Variants in CNTNAP2 observed in about 807,000 individuals in gnomAD.
CNTNAP2 encodes the protein contactin-associated protein-like 2.
A neutral mutation model predicts 155.2 loss-of-function variants in CNTNAP2; 98 were observed. The ratio of observed to expected loss-of-function variants is 0.63; its 90% CI spans 0.54 to 0.75. CNTNAP2 has a LOEUF of 0.75. CNTNAP2 is among the 30% of genes least tolerant of loss of function. The pLI, the probability that CNTNAP2 is intolerant of heterozygous loss-of-function variation, is 0.00. For synonymous variants in CNTNAP2, 651 were observed against 631.2 expected (o/e 1.03, Z -0.47); for missense variants, 1,727 against 1,688.1 (o/e 1.02, Z -0.40).
chr7:148,413,411 T>A (rs371662752), intron 23 of CNTNAP2, among the ~76,000 whole-genome samples: 34,420 of 41,412 alleles, frequency 0.83, 14,453 homozygotes, highest in East Asian at 0.96. Flanking sequence ...AATATATATA[T>A]ATATATATAT....
intron 14 of CNTNAP2, among the ~76,000 whole-genome samples, chr7:147,924,845 T>C (rs1308464879): frequency 2.6e-5 from 4 of 151,942 alleles, no homozygotes; most frequent in African/African-American, 7.3e-5. Context: ...TGGCAAGGTG[T>C]GGTGGCGCAC....
intron 11 of CNTNAP2, among the ~76,000 whole-genome samples, chr7:147,525,418 G>A (rs2116714253): frequency 6.6e-6 from 1 of 152,174 alleles, no homozygotes; most frequent in East Asian, 1.9e-4. Flanking sequence ...CAAATATAAG[G>A]AAAGCAATGC....
At chr7:146,446,490 T>A (rs1639463) in intron 1 of CNTNAP2, among the ~76,000 whole-genome samples, 5,413 of 152,222 alleles carry the variant, frequency 0.036, 337 homozygotes, top group African/African-American at 0.12. Context: ...GTGATGTCAG[T>A]TTCACATCAG....
At chr7:147,761,513 A>G (rs150712971) in intron 13 of CNTNAP2, among the ~76,000 whole-genome samples, 1,714 of 152,286 alleles carry the variant, frequency 0.011, 98 homozygotes, top group Admixed American at 0.088. Context: ...TGCTTCAACA[A>G]TCACCATTTT....
intron 13 of CNTNAP2, among the ~76,000 whole-genome samples, chr7:147,686,813 C>T (rs1284543829): frequency 6.9e-6 from 1 of 144,722 alleles, no homozygotes; most frequent in East Asian, 2.0e-4. Context: ...TTTTGCTTAA[C>T]AAAAAAGCAA....
At chr7:147,373,104 C>T (rs1401407667) in intron 9 of CNTNAP2, among the ~76,000 whole-genome samples, 1 of 152,042 alleles carries the variant, frequency 6.6e-6, no homozygotes. Flanking sequence ...TTAAAATTAA[C>T]TTTCAAAGGG....
chr7:146,250,065 A>G (rs1224633492), intron 1 of CNTNAP2, among the ~76,000 whole-genome samples: 1 of 152,182 alleles, frequency 6.6e-6, no homozygotes, highest in African/African-American at 2.4e-5. Flanking sequence ...TTAATCTGAA[A>G]TTAAATCTAT....
intron 1 of CNTNAP2, among the ~76,000 whole-genome samples, chr7:146,655,413 C>CAAAAAA (rs66710703): frequency 3.8e-4 from 28 of 74,242 alleles, no homozygotes; most frequent in African/African-American, 9.8e-4. Flanking sequence ...GACTCTGTCT[C>CAAAAAA]AAAAAAAAAA....
chr7:146,155,736 G>C (rs951411712), intron 1 of CNTNAP2, among the ~76,000 whole-genome samples: 2 of 151,262 alleles, frequency 1.3e-5, no homozygotes, highest in Non-Finnish European at 2.9e-5. Flanking sequence ...TCTCGCTCTT[G>C]TCGCCCAGGC....
chr7:147,952,515 T>C (rs1229615426), intron 14 of CNTNAP2, among the ~76,000 whole-genome samples: 1 of 152,036 alleles, frequency 6.6e-6, no homozygotes, highest in African/African-American at 2.4e-5. Flanking sequence ...TTTTGGCACA[T>C]TAAATTGAAC....
At chr7:147,750,461 CTATAAG>C (rs1003920010) in intron 13 of CNTNAP2, among the ~76,000 whole-genome samples, 1 of 152,082 alleles carries the variant, frequency 6.6e-6, no homozygotes, top group African/African-American at 2.4e-5. Context: ...TGAATTTTCT[CTATAAG>C]TATTTATTAT....
chr7:148,137,397 C>G (rs560005081), intron 16 of CNTNAP2, among the ~76,000 whole-genome samples: 2 of 152,166 alleles, frequency 1.3e-5, no homozygotes, highest in African/African-American at 4.8e-5. Context: ...CAGTGGCTCA[C>G]GCCTGTAATC....
At chr7:146,480,680 T>G (rs1166095498) in intron 1 of CNTNAP2, among the ~76,000 whole-genome samples, 1 of 148,256 alleles carries the variant, frequency 6.7e-6, no homozygotes, top group Non-Finnish European at 1.5e-5. Flanking sequence ...ATATATTTTT[T>G]TTTTTCCTTT....
At chr7:147,462,170 G>C (rs1798036658) in intron 10 of CNTNAP2, among the ~76,000 whole-genome samples, 1 of 152,032 alleles carries the variant, frequency 6.6e-6, no homozygotes, top group Non-Finnish European at 1.5e-5. Context: ...ATTCCAGAAG[G>C]ACAAGCCTCC....
intron 3 of CNTNAP2, among the ~76,000 whole-genome samples, chr7:146,980,109 GT>G (rs1362339321): frequency 4.6e-5 from 7 of 152,224 alleles, no homozygotes; most frequent in Non-Finnish European, 7.3e-5. Context: ...CCAGGACAGA[GT>G]TTTTGGAGGA....
chr7:147,819,832 A>G (rs1423739582), intron 13 of CNTNAP2, among the ~76,000 whole-genome samples: 3 of 152,160 alleles, frequency 2.0e-5, no homozygotes, highest in Non-Finnish European at 4.4e-5. Flanking sequence ...GCATCAGAAA[A>G]ATATTTTAGA....
At chr7:147,111,891 A>T (rs1238420541) in intron 5 of CNTNAP2, among the ~76,000 whole-genome samples, 1 of 152,124 alleles carries the variant, frequency 6.6e-6, no homozygotes, top group African/African-American at 2.4e-5. Flanking sequence ...GTTTTTTTAA[A>T]TTCTCTGAAG....
intron 3 of CNTNAP2, among the ~76,000 whole-genome samples, chr7:146,947,576 CAT>C (rs748336820): frequency 0.27 from 25,605 of 95,970 alleles, 3,438 homozygotes; most frequent in Admixed American, 0.4. Flanking sequence ...TATATATATA[CAT>C]ATATATATAT....
At chr7:148,230,606 G>A (rs573700696) in intron 20 of CNTNAP2, among the ~76,000 whole-genome samples, 1 of 152,318 alleles carries the variant, frequency 6.6e-6, no homozygotes, top group African/African-American at 2.4e-5. Flanking sequence ...TCGGCTGGAT[G>A]CTGTGGGAAG....
Sources: gnomAD v4.1 joint callset for allele counts (sites outside exome capture counted in the v4.1 genomes callset) on GRCh38, gnomAD v4.1.1 for gene constraint, MANE v1.5 for transcripts, NCBI Gene and HGNC (gene_info 2026-07-23, HGNC 2026-07-21) for gene names.